The following SGCD variants were observed in gnomAD, a reference collection of about 807,000 sequenced individuals.
SGCD encodes sarcoglycan delta.
Under a neutral mutation model 36.6 loss-of-function variants are expected in SGCD, and 18 were observed. The ratio of observed to expected loss-of-function variants is 0.49; its 90% CI spans 0.34 to 0.73. SGCD has a LOEUF of 0.73. Ranked by LOEUF, SGCD falls within the 30% of genes least tolerant of loss-of-function variation. SGCD has a pLI of 0.01. For synonymous variants in SGCD, 133 were observed against 130.6 expected (o/e 1.02, Z -0.12); for missense variants, 387 against 346.7 (o/e 1.12, Z -0.92).
chr5:156,385,895 A>C (rs1188664747), intron 3 of SGCD, among the ~76,000 whole-genome samples: 1 of 152,200 alleles, frequency 6.6e-6, no homozygotes, highest in Non-Finnish European at 1.5e-5. Context: ...CTACCCTCAC[A>C]GGTCTTTTTC....
At chr5:155,746,259 C>T in the SGCD span, among the ~76,000 whole-genome samples, 3 of 152,014 alleles carry the variant, frequency 2.0e-5, no homozygotes, top group African/African-American at 4.8e-5. Flanking sequence ...TGAGTGTCCT[C>T]GGGTCTAGTC....
intron 1 of SGCD, among the ~76,000 whole-genome samples, chr5:156,105,059 T>C (rs1452250375): frequency 1.3e-5 from 2 of 152,158 alleles, no homozygotes; most frequent in Non-Finnish European, 2.9e-5. Context: ...GACGAGTTAA[T>C]GGGTGCAGCA....
At chr5:156,182,537 C>A (rs1763634122) in intron 3 of SGCD, among the ~76,000 whole-genome samples, 1 of 152,044 alleles carries the variant, frequency 6.6e-6, no homozygotes, top group African/African-American at 2.4e-5. Flanking sequence ...GTGGCGGTTG[C>A]AGTGAGCTGA....
chr5:156,488,774 C>T (rs1755814305), intron 3 of SGCD, among the ~76,000 whole-genome samples: 1 of 152,116 alleles, frequency 6.6e-6, no homozygotes, highest in Non-Finnish European at 1.5e-5. Flanking sequence ...AACATTACCA[C>T]TACAGAAAAC....
At chr5:156,158,059 CT>C (rs201396924) in intron 3 of SGCD, among the ~76,000 whole-genome samples, 7,100 of 142,558 alleles carry the variant, frequency 0.05, 637 homozygotes, top group African/African-American at 0.15. Flanking sequence ...TGGTTTTTTG[CT>C]TTTTTTTTTT....
At chr5:155,997,176 T>A (rs1758571328) in intron 1 of SGCD, among the ~76,000 whole-genome samples, 1 of 152,236 alleles carries the variant, frequency 6.6e-6, no homozygotes. Flanking sequence ...CTTGGTACTA[T>A]GTTAAGCACA....
intron 3 of SGCD, among the ~76,000 whole-genome samples, chr5:156,269,020 C>A (rs1271606573): frequency 6.6e-6 from 1 of 152,158 alleles, no homozygotes; most frequent in East Asian, 1.9e-4. Context: ...TAAGGACATA[C>A]CTGAGACTAG....
chr5:156,347,203 C>T (rs538146869), intron 3 of SGCD, among the ~76,000 whole-genome samples: 2 of 152,102 alleles, frequency 1.3e-5, no homozygotes, highest in Non-Finnish European at 2.9e-5. Flanking sequence ...GGTGATGAAG[C>T]AATAGAATGG....
chr5:156,706,130 A>G (rs1438922381), intron 7 of SGCD, among the ~76,000 whole-genome samples: 1 of 152,172 alleles, frequency 6.6e-6, no homozygotes, highest in East Asian at 1.9e-4. Context: ...ATGTGTATCA[A>G]TAGCAGGTAC....
At chr5:155,978,851 G>A (rs192986983) in intron 1 of SGCD, among the ~76,000 whole-genome samples, 1 of 152,188 alleles carries the variant, frequency 6.6e-6, no homozygotes, top group East Asian at 1.9e-4. Context: ...AGTTAAGGTG[G>A]AAAATTGTAG....
chr5:156,564,547 G>A (rs892723640), intron 4 of SGCD, among the ~76,000 whole-genome samples: 1 of 152,112 alleles, frequency 6.6e-6, no homozygotes, highest in Non-Finnish European at 1.5e-5. Flanking sequence ...GTAGTTGAGT[G>A]GCATTAAGTA....
intron 3 of SGCD, among the ~76,000 whole-genome samples, chr5:156,345,513 G>A (rs1195892722): frequency 6.6e-6 from 1 of 152,102 alleles, no homozygotes; most frequent in Non-Finnish European, 1.5e-5. Context: ...TCAAAAGTGA[G>A]TAATATAGAT....
chr5:156,620,056 T>C (rs1017015420), intron 6 of SGCD, among the ~76,000 whole-genome samples: 2 of 152,130 alleles, frequency 1.3e-5, no homozygotes, highest in Non-Finnish European at 2.9e-5. Flanking sequence ...TTTAGAACAG[T>C]AGTATACGTC....
In SGCD at chr5:156,434,740, A is replaced by G. The variant is rs200132432; in HGVS notation, c.193-73861A>G. ...ATTGAGTTGACAGTGATTGGTCACA[A>G]ACATGCACCGGTGAGCAGTAATGAA... On this transcript the variant is annotated intron_variant, in intron 3 of 8. Coordinates refer to ENST00000337851, the MANE Select transcript of SGCD (RefSeq NM_000337.6). Among the ~76,000 whole-genome samples, 16 of 152,214 alleles carry G rather than the reference A, an allele frequency of 1.1e-4. No individual in the cohort carries two copies. In the East Asian group the frequency reaches 2.7e-3, roughly 26 times the overall value.
intron 1 of SGCD, among the ~76,000 whole-genome samples, chr5:155,982,606 G>A (rs1055855997): frequency 6.6e-6 from 1 of 152,106 alleles, no homozygotes; most frequent in African/African-American, 2.4e-5. Context: ...CAGAGTGCCT[G>A]CTCTGTCATT....
chr5:155,839,904 A>C, the SGCD span, among the ~76,000 whole-genome samples: 142 of 151,494 alleles, frequency 9.4e-4, no homozygotes, highest in African/African-American at 3.3e-3. Context: ...ACGATTCAGG[A>C]TTTCCGCCCA....
intron 1 of SGCD, among the ~76,000 whole-genome samples, chr5:156,011,265 G>T (rs1204542930): frequency 1.3e-5 from 2 of 152,038 alleles, no homozygotes; most frequent in Non-Finnish European, 2.9e-5. Context: ...CAAGCCAGGT[G>T]TCTTTCAGAA....
intron 3 of SGCD, among the ~76,000 whole-genome samples, chr5:156,399,909 T>C (rs1330125717): frequency 1.3e-5 from 2 of 152,140 alleles, no homozygotes; most frequent in Non-Finnish European, 2.9e-5. Context: ...TTGACAATCA[T>C]GTGATGAAAA....
intron 4 of SGCD, among the ~76,000 whole-genome samples, chr5:156,547,129 CT>C (rs1455918354): frequency 6.6e-6 from 1 of 152,160 alleles, no homozygotes; most frequent in Non-Finnish European, 1.5e-5. Flanking sequence ...TTGCCAGTGT[CT>C]TGTTCATCCT....
Sources: allele counts gnomAD v4.1 joint callset (sites outside exome capture counted in the v4.1 genomes callset), GRCh38; gene constraint gnomAD v4.1.1; transcripts MANE v1.5; gene names NCBI Gene and HGNC (gene_info 2026-07-23, HGNC 2026-07-21).